DNAH3: variants seen among roughly 807,000 people sequenced by gnomAD.
DNAH3 encodes dynein axonemal heavy chain 3.
In DNAH3, 332 loss-of-function variants were observed where a neutral mutation model predicts 432.5. The observed-to-expected ratio is 0.77, with a 90% CI of 0.70 to 0.84. The LOEUF (loss-of-function observed/expected upper bound fraction) is 0.84. DNAH3 is among the 40% of genes least tolerant of loss of function. DNAH3 has a pLI of 0.00. For missense variants in DNAH3, 4,861 were observed against 5,114.0 expected (o/e 0.95, Z 1.51); for synonymous variants, 1,956 against 1,900.2 (o/e 1.03, Z -0.76).
At chr16:20,939,449 TA>T (rs1464984781) in intron 59 of DNAH3, among the ~76,000 whole-genome samples, 1 of 152,000 alleles carries the variant, frequency 6.6e-6, no homozygotes, top group Non-Finnish European at 1.5e-5. Context: ...CTGTCTCTAC[TA>T]AAAGTACAGA....
chr16:21,060,354 G>T, exon 26 of DNAH3: 1 of 1,613,158 alleles, frequency 6.2e-7, no homozygotes, highest in African/African-American at 1.3e-5. Context: ...TTTCCACCAT[G>T]CCCTATGGAG....
intron 53 of DNAH3, among the ~76,000 whole-genome samples, chr16:20,960,643 T>G (rs2084776747): frequency 6.6e-6 from 1 of 152,098 alleles, no homozygotes; most frequent in Non-Finnish European, 1.5e-5. Flanking sequence ...AGGCGGAGGT[T>G]GCAGTGAGCC....
chr16:21,109,161 A>G (rs1379284061), intron 14 of DNAH3, among the ~76,000 whole-genome samples: 1 of 152,016 alleles, frequency 6.6e-6, no homozygotes, highest in Admixed American at 6.6e-5. Context: ...AGAAAAAGAA[A>G]AAGAGAAACT....
Position 21,067,540 on chromosome 16 carries a change from A to G in DNAH3, c.3382-121T>C, listed in dbSNP as rs1259078298. On this transcript the variant is annotated intron_variant, in intron 23 of 61. Transcript: ENST00000261383. ...TCCTTGTCCAGCTAACTGCCTCCTG[A>G]TCCCCCTCCTAACTGCACAGGGGTG... 1.1e-5 allele frequency: 11 copies of G among 1,015,628 alleles called. No homozygotes were observed. In the East Asian group the frequency reaches 2.4e-4, roughly 22 times the overall value. 62.9% of individuals were successfully genotyped at this position (1,015,628 alleles called of 1,614,324 possible). A position where few individuals can be genotyped will look rare whatever the true frequency, so the allele number is the denominator to read the frequency against.
chr16:21,073,860 A>T (rs537926568), intron 21 of DNAH3, among the ~76,000 whole-genome samples: 6 of 152,210 alleles, frequency 3.9e-5, no homozygotes, highest in African/African-American at 1.4e-4. Flanking sequence ...AGAGACCAAG[A>T]AGAATCTCAA....
intron 40 of DNAH3, among the ~76,000 whole-genome samples, chr16:21,020,406 T>A (rs1466584444): frequency 1.3e-3 from 102 of 81,582 alleles, no homozygotes; most frequent in African/African-American, 4.7e-3. Flanking sequence ...TATTTTTTTT[T>A]TTTTTTTTTT....
intron 21 of DNAH3, among the ~76,000 whole-genome samples, chr16:21,075,153 C>A (rs1224506069): frequency 1.3e-5 from 2 of 152,186 alleles, no homozygotes; most frequent in Non-Finnish European, 2.9e-5. Flanking sequence ...GAATGGTGTA[C>A]AAGCCTGCAC....
chr16:20,987,655 T>C (rs374031425), intron 46 of DNAH3, 38 bp downstream of exon 46: 119 of 1,607,322 alleles, frequency 7.4e-5, no homozygotes, highest in East Asian at 2.2e-4. Context: ...GCCAAGGATA[T>C]GCTGAATGAT....
chr16:21,143,757 G>T (rs1377099897), intron 3 of DNAH3, among the ~76,000 whole-genome samples: 2 of 152,022 alleles, frequency 1.3e-5, no homozygotes, highest in African/African-American at 4.8e-5. Context: ...GAACCACTTG[G>T]GAAAAAGAAA....
chr16:20,966,850 G>A (rs2085086061), intron 52 of DNAH3, among the ~76,000 whole-genome samples: 1 of 152,148 alleles, frequency 6.6e-6, no homozygotes, highest in Admixed American at 6.5e-5. Context: ...GAAGCAGCTT[G>A]CAGGCTTCCA....
At position 21,133,867 on chromosome 16, in the gene DNAH3, A is replaced by G. The variant is rs532269834; in HGVS notation, c.1082+392T>C. Among the ~76,000 whole-genome samples the G allele has an allele frequency of 2.6e-4, 40 of 152,348 alleles. 1 individual carries two copies. Among genetic ancestry groups the G allele is most frequent in the South Asian group, 6.2e-4 (3 of 4,830 alleles). Reference sequence around the variant, plus strand: ...AGTAAGTTATTTATTCCTCTTATCAATCCTATGAAGTGGAAACTCTTATTA... The same window carrying G: ...AGTAAGTTATTTATTCCTCTTATCAGTCCTATGAAGTGGAAACTCTTATTA... On this transcript the variant is annotated intron_variant, in intron 7 of 61. Transcript: ENST00000261383.
At position 21,050,719 on chromosome 16, in the gene DNAH3, C is replaced by T. The variant is rs368569905; in HGVS notation, c.4239-701G>A. Among the ~76,000 whole-genome samples, 20 of 152,356 alleles carry T rather than the reference C, an allele frequency of 1.3e-4. No individual in the cohort carries two copies. In the South Asian group the frequency reaches 2.9e-3, roughly 22 times the overall value. On this transcript the variant is annotated intron_variant, in intron 29 of 61. Coordinates refer to ENST00000261383, the Ensembl canonical transcript of DNAH3. ...TTGGCCTTCCAAAGTGCTGAGACTA[C>T]AGGCGTGAGCCACCATGCCCAGCTA...
intron 4 of DNAH3, among the ~76,000 whole-genome samples, 156 bp from the exon 6 acceptor site, chr16:21,140,866 C>A (rs2092709670): frequency 6.6e-6 from 1 of 152,144 alleles, no homozygotes; most frequent in Non-Finnish European, 1.5e-5. Context: ...TCCAAGATGA[C>A]CCTAATGACT....
chr16:21,159,231 CT>C (rs1385897229), intron 1 of DNAH3: 1 of 1,149,574 alleles, frequency 8.7e-7, no homozygotes, highest in Non-Finnish European at 1.3e-6. Flanking sequence ...AAGGGGGCTT[CT>C]TTACCCCCAA....
intron 28 of DNAH3, among the ~76,000 whole-genome samples, chr16:21,053,386 G>C (rs146597090): frequency 1.3e-5 from 2 of 152,162 alleles, no homozygotes; most frequent in Admixed American, 6.5e-5. Flanking sequence ...GGATCCAAGA[G>C]GAAAGCGAAT....
chr16:20,946,867 C>T (rs2084071164), intron 57 of DNAH3, among the ~76,000 whole-genome samples: 1 of 147,396 alleles, frequency 6.8e-6, no homozygotes, highest in South Asian at 2.2e-4. Context: ...CTCTGTGGCC[C>T]AGGCTGGAGT....
intron 47 of DNAH3, among the ~76,000 whole-genome samples, 167 bp from the exon 48 acceptor site, chr16:20,985,882 G>C (rs974986675): frequency 6.6e-6 from 1 of 151,944 alleles, no homozygotes; most frequent in Non-Finnish European, 1.5e-5. Context: ...TTGAGACAGA[G>C]TCTCACTCTG....
chr16:21,113,273 A>G (rs1202898808), intron 12 of DNAH3, among the ~76,000 whole-genome samples: 1 of 152,068 alleles, frequency 6.6e-6, no homozygotes, highest in Non-Finnish European at 1.5e-5. Flanking sequence ...GTTTTTTCCC[A>G]TGTTATTCTC....
In DNAH3 at chr16:21,000,456, G is replaced by GT; in HGVS notation, c.6188dup (p.Tyr2063Ter). The GT allele has an allele frequency of 6.2e-7, 1 of 1,614,018 alleles. No homozygotes were observed. Among genetic ancestry groups the GT allele is most frequent in the Non-Finnish European group, 8.5e-7 (1 of 1,179,948 alleles). ...ACAGCATTGGAATCTCATGGTCTAAGTAGGTTTTCAAGAAGAAGGACTGCC... is the reference window on the plus strand; with the variant it reads ...ACAGCATTGGAATCTCATGGTCTAAGTTAGGTTTTCAAGAAGAAGGACTGCC... The change falls in exon 43 of 62, where the codon TAC (tyrosine) becomes TAAC (stop). Residue 2063 changes from tyrosine (Y) to a stop codon, truncating the protein, a stop_gained and frameshift_variant. Coordinates refer to ENST00000261383, the Ensembl canonical transcript of DNAH3. LOFTEE classifies it high-confidence loss of function.
Sources: allele counts gnomAD v4.1 joint callset (sites outside exome capture counted in the v4.1 genomes callset), GRCh38; gene constraint gnomAD v4.1.1; transcripts MANE v1.5; gene names NCBI Gene and HGNC (gene_info 2026-07-23, HGNC 2026-07-21).